Variants in GRID2IP observed in about 807,000 individuals in gnomAD.
The protein encoded by GRID2IP is delphilin.
A neutral mutation model predicts 114.3 loss-of-function variants in GRID2IP; 78 were observed. The observed-to-expected ratio is 0.68, with a 90% confidence interval of 0.57 to 0.82. GRID2IP has a LOEUF of 0.82. GRID2IP is among the 40% of genes least tolerant of loss of function. The probability of loss-of-function intolerance (pLI) is 0.00; values close to 1 mark genes in which losing one functional copy is unlikely to be tolerated. For synonymous variants in GRID2IP, 809 were observed against 724.0 expected (o/e 1.12, Z -1.89); for missense variants, 1,727 against 1,678.5 (o/e 1.03, Z -0.51).
At chr7:6,548,917 T>C (rs1346450155) in intron 1 of GRID2IP, among the ~76,000 whole-genome samples, 1 of 151,784 alleles carries the variant, frequency 6.6e-6, no homozygotes, top group Non-Finnish European at 1.5e-5. Context: ...AGGCTTCATG[T>C]CCACAGGGGT....
chr7:6,510,386 A>G lies in GRID2IP; in HGVS notation c.1668T>C (p.Tyr556=), dbSNP rs1346447225. ...TGTTCAGTCGAGACTCAAGCTCTGCATAGACGGCTGACATCTGGAGGGAGA... is the reference window on the plus strand; with the variant it reads ...TGTTCAGTCGAGACTCAAGCTCTGCGTAGACGGCTGACATCTGGAGGGAGA... ...TPNPKMMSAV[Y]AELESRLNSS... is the part of the protein sequence containing the mutation. The change falls in exon 11 of 22, where the codon TAT becomes TAC. Residue 556 remains tyrosine (Y), a synonymous_variant. Transcript: ENST00000457091. 2 of 1,535,718 alleles carry G rather than the reference A, an allele frequency of 1.3e-6. No homozygotes were observed. The highest frequency in any genetic ancestry group is 2.5e-5 in the East Asian group (1 of 40,476).
chr7:6,497,819 C>T lies in GRID2IP; in HGVS notation c.3591G>A (p.Gly1197=), dbSNP rs753602378. The T allele has an allele frequency of 7.1e-6, 11 of 1,550,272 alleles. No individual in the cohort carries two copies. The highest frequency in any genetic ancestry group is 6.1e-6 in the Non-Finnish European group (7 of 1,146,772). Reference sequence around the variant, plus strand: ...CCATCCCGGAGCTGCGCAGGCCCTCCCCGGCCTGCAGGTCACTCAGCGCTC... The same window carrying T: ...CCATCCCGGAGCTGCGCAGGCCCTCTCCGGCCTGCAGGTCACTCAGCGCTC... The part of the protein sequence containing the change: ...FERALSDLQA[G]EGLRSSGMVS... The change falls in exon 22 of 22, where the codon GGG becomes GGA. Residue 1197 remains glycine (G), a synonymous_variant. Coordinates refer to ENST00000457091, the MANE Select transcript of GRID2IP (RefSeq NM_001145118.2).
chr7:6,531,647 T>C (rs994218434), intron 2 of GRID2IP, among the ~76,000 whole-genome samples: 3 of 152,184 alleles, frequency 2.0e-5, no homozygotes, highest in Non-Finnish European at 4.4e-5. Context: ...TACAGGCATA[T>C]ACCATCATGC....
intron 16 of GRID2IP, 138 bp from the exon 17 acceptor site, chr7:6,503,301 T>TG (rs1786471219): frequency 9.3e-7 from 1 of 1,078,206 alleles, no homozygotes; most frequent in Non-Finnish European, 1.3e-6. Flanking sequence ...GCACGATCCC[T>TG]GGGGGAGCCC....
In GRID2IP at chr7:6,509,648, C is replaced by T. The variant is rs1326308378; in HGVS notation, c.1772-335G>A. On this transcript the variant is annotated intron_variant, in intron 11 of 21. Coordinates refer to ENST00000457091, the MANE Select transcript of GRID2IP (RefSeq NM_001145118.2). This position sits in a 1 kb window ranked among gnomAD's most constrained non-coding sequence, Gnocchi z 4.9. ...AGGGCCCAGAGCCACAGTCATGGAG[C>T]GTCTCGCGCACCCAGCAAGCCCTGA... 6.6e-6 allele frequency among the ~76,000 whole-genome samples: 1 copy of T among 152,166 alleles called. No homozygotes were observed. Among genetic ancestry groups the T allele is most frequent in the East Asian group, 1.9e-4 (1 of 5,190 alleles).
At chr7:6,499,301 G>A (rs1263869613) in intron 20 of GRID2IP, among the ~76,000 whole-genome samples, 1 of 152,098 alleles carries the variant, frequency 6.6e-6, no homozygotes, top group Non-Finnish European at 1.5e-5. Flanking sequence ...TTCCTGATGA[G>A]AAAACTGGGC....
chr7:6,509,336 G>A lies in GRID2IP; in HGVS notation c.1772-23C>T. ...GCCCTGGAGGAGGGATGGAGTATGAGGATTCCTCTTCAGCCAGCACCGAGG... is the reference window on the plus strand; with the variant it reads ...GCCCTGGAGGAGGGATGGAGTATGAAGATTCCTCTTCAGCCAGCACCGAGG... On this transcript the variant is annotated intron_variant, in intron 11 of 21. Transcript: ENST00000457091. The surrounding 1 kb of genome is among the most constrained non-coding windows in gnomAD (Gnocchi z 4.9). 6.8e-7 allele frequency: 1 copy of A among 1,469,512 alleles called. No homozygotes were observed. Among genetic ancestry groups the A allele is most frequent in the Non-Finnish European group, 9.0e-7 (1 of 1,107,280 alleles). 91.0% of individuals were successfully genotyped at this position (1,469,512 alleles called of 1,614,324 possible).
chr7:6,551,042 T>C lies in GRID2IP; in HGVS notation c.395A>G (p.Glu132Gly), dbSNP rs557278567. 6.3e-6 allele frequency: 8 copies of C among 1,274,934 alleles called. No homozygotes were observed. The highest frequency in any genetic ancestry group is 4.2e-5 in the Admixed American group (1 of 23,604). 79.0% of individuals were successfully genotyped at this position (1,274,934 alleles called of 1,614,324 possible). A position where few individuals can be genotyped will look rare whatever the true frequency, so the allele number is the denominator to read the frequency against. The change falls in exon 1 of 22, where the codon GAG (glutamate) becomes GGG (glycine). Residue 132 changes from glutamate (E) to glycine (G), a missense_variant. By Grantham distance (98) the Glu-to-Gly change is moderately conservative (BLOSUM62 -2). Coordinates refer to ENST00000457091, the MANE Select transcript of GRID2IP (RefSeq NM_001145118.2). ...GRKRPDAVHR[E>G]RRRKAQEFSR... The stretch of plus-strand genomic sequence containing the variant: ...GAACTCTTGGGCCTTGCGCCTGCGC[T>C]CTCGGTGCACCGCGTCCGGGCGCTT...
intron 10 of GRID2IP, 70 bp downstream of exon 10, chr7:6,510,539 G>A: frequency 3.0e-6 from 4 of 1,355,560 alleles, no homozygotes; most frequent in South Asian, 2.9e-5. Context: ...GGGTCTCCTG[G>A]GCCCAGTCCT....
chr7:6,549,791 T>G (rs1333764887), intron 1 of GRID2IP, among the ~76,000 whole-genome samples: 2 of 151,326 alleles, frequency 1.3e-5, no homozygotes, highest in South Asian at 2.1e-4. Context: ...CTGGCTGGTT[T>G]TTTTTTTTTT....
chr7:6,525,151 A>T (rs1470488209), intron 4 of GRID2IP, among the ~76,000 whole-genome samples: 2 of 151,890 alleles, frequency 1.3e-5, no homozygotes, highest in South Asian at 2.1e-4. Flanking sequence ...CTAAAAATAT[A>T]AAAAAATTAG....
chr7:6,514,926 T>G lies in GRID2IP; in HGVS notation c.1269-397A>C, dbSNP rs181153329. Among the ~76,000 whole-genome samples the G allele has an allele frequency of 9.7e-4, 136 of 139,520 alleles. 2 individuals carry two copies. In the East Asian group the frequency reaches 0.023, roughly 23 times the overall value. 91.5% of individuals were successfully genotyped at this position (139,520 alleles called of 152,430 possible). On this transcript the variant is annotated intron_variant, in intron 7 of 21. Transcript: ENST00000457091. Reference sequence around the variant, plus strand: ...GAGATCGTGTCACTGCACTCCAGCCTGGGAGACAGAGTGAGACTCCAACTC... The same window carrying G: ...GAGATCGTGTCACTGCACTCCAGCCGGGGAGACAGAGTGAGACTCCAACTC...
rs1382146558 is a variant in GRID2IP, at chr7:6,518,955, G to C, written c.1268+1623C>G. On this transcript the variant is annotated intron_variant, in intron 7 of 21. Coordinates refer to ENST00000457091, the MANE Select transcript of GRID2IP (RefSeq NM_001145118.2). ...TTTTTTTGAGACGAAGTCTCATTTT[G>C]TCACCCAGGCTGGAGAGCAGTGGTG... Among the ~76,000 whole-genome samples, 3 of 151,532 alleles carry C rather than the reference G, an allele frequency of 2.0e-5. No homozygotes were observed. In the East Asian group the frequency reaches 5.9e-4, roughly 30 times the overall value.
Position 6,516,762 on chromosome 7 carries a change from G to C in GRID2IP, c.1269-2233C>G, listed in dbSNP as rs1016251830. Among the ~76,000 whole-genome samples, 7 of 152,184 alleles carry C rather than the reference G, an allele frequency of 4.6e-5. No homozygotes were observed. Among genetic ancestry groups the C allele is most frequent in the Non-Finnish European group, 5.9e-5 (4 of 68,038 alleles). ...TCTAGATAGCAGCAGCAGAATTAGT[G>C]AAAGTACTAAAGTCTTTAAAATGCA... On this transcript the variant is annotated intron_variant, in intron 7 of 21. Coordinates refer to ENST00000457091, the MANE Select transcript of GRID2IP (RefSeq NM_001145118.2). The surrounding 1 kb of genome is among the most constrained non-coding windows in gnomAD (Gnocchi z 4.3).
intron 2 of GRID2IP, among the ~76,000 whole-genome samples, chr7:6,537,719 T>TG (rs1187682862): frequency 6.6e-6 from 1 of 151,594 alleles, no homozygotes; most frequent in Non-Finnish European, 1.5e-5. Context: ...TAGCCAAGCG[T>TG]GGCATCGTGG....
rs1779400834 is a variant in GRID2IP at position 6,520,995 on chromosome 7, G to C, written c.1085-234C>G. ...TTTTTTGTTTGTTTGTTTTGAGACA[G>C]AGTCTTGCTCTGTTGCCCAGGCGGG... On this transcript the variant is annotated intron_variant, in intron 6 of 21. Transcript: ENST00000457091. The surrounding 1 kb of genome is among the most constrained non-coding windows in gnomAD (Gnocchi z 4.6). 6.6e-6 allele frequency among the ~76,000 whole-genome samples: 1 copy of C among 152,184 alleles called. No individual in the cohort carries two copies. Among genetic ancestry groups the C allele is most frequent in the African/African-American group, 2.4e-5 (1 of 41,452 alleles).
In GRID2IP at chr7:6,501,379, C is replaced by CAAAT. The variant is rs1055785854; in HGVS notation, c.3399+398_3399+401dup. On this transcript the variant is annotated intron_variant, in intron 20 of 21. Transcript: ENST00000457091. Reference sequence around the variant, plus strand: ...AAATAAATAAAATTAAACAAACAAACAAATAAATAAATAAATAAATAAATT... The same window carrying CAAAT: ...AAATAAATAAAATTAAACAAACAAACAAATAAATAAATAAATAAATAAATAAATT... 4.2e-4 allele frequency among the ~76,000 whole-genome samples: 64 copies of CAAAT among 152,022 alleles called. 1 individual carries two copies. The East Asian group carries it at 6.2e-3, about 15-fold the overall frequency.
At chr7:6,512,596 C>T (rs1245273642) in intron 8 of GRID2IP, among the ~76,000 whole-genome samples, 14 of 151,890 alleles carry the variant, frequency 9.2e-5, no homozygotes, top group African/African-American at 2.4e-4. Context: ...CTGCAACCTC[C>T]GTCTCCCAGG....
intron 2 of GRID2IP, among the ~76,000 whole-genome samples, chr7:6,538,711 T>G (rs908978705): frequency 6.6e-6 from 1 of 151,990 alleles, no homozygotes; most frequent in African/African-American, 2.4e-5. Context: ...CACCCCATCT[T>G]TACTAAAAAT....
Sources: allele counts gnomAD v4.1 joint callset (sites outside exome capture counted in the v4.1 genomes callset), GRCh38; gene constraint gnomAD v4.1.1; non-coding constraint Gnocchi (gnomAD v3.1); transcripts MANE v1.5; gene names NCBI Gene and HGNC (gene_info 2026-07-23, HGNC 2026-07-21).